GGNBP2: variants seen among roughly 807,000 people sequenced by gnomAD.
GGNBP2 encodes the protein gametogenetin binding protein 2.
A neutral mutation model predicts 85.9 loss-of-function variants in GGNBP2; 10 were observed. That is an observed-to-expected ratio of 0.12 (90% confidence interval 0.07 to 0.20). The LOEUF is 0.20. Ranked by LOEUF, GGNBP2 falls within the 10% of genes least tolerant of loss-of-function variation. The pLI, the probability that GGNBP2 is intolerant of heterozygous loss-of-function variation, is 1.00. For synonymous variants in GGNBP2, 287 were observed against 285.7 expected (o/e 1.00, Z -0.05); for missense variants, 595 against 857.8 (o/e 0.69, Z 3.83).
At position 36,581,512 on chromosome 17, in the gene GGNBP2, G is replaced by A; in HGVS notation, c.1189G>A (p.Asp397Asn). Reference protein sequence around the residue: ...CDIPTPLQTADEKEVSQEKET... With the variant: ...CDIPTPLQTANEKEVSQEKET... Reference sequence around the variant, plus strand: ...TATTCCTACTCCCTTACAAACAGCAGATGAAAAGGAAGTAAGCCAAGAGAA... The same window carrying A: ...TATTCCTACTCCCTTACAAACAGCAAATGAAAAGGAAGTAAGCCAAGAGAA... The change falls in exon 9 of 14, where the codon GAT becomes AAT. Residue 397 changes from aspartate (D) to asparagine (N), a missense_variant. Asp to Asn is a conservative substitution (Grantham distance 23). Coordinates refer to ENST00000613102, the MANE Select transcript of GGNBP2 (RefSeq NM_024835.5). 2 of 1,608,870 alleles carry A rather than the reference G, an allele frequency of 1.2e-6. No individual in the cohort carries two copies. The highest frequency in any genetic ancestry group is 1.7e-6 in the Non-Finnish European group (2 of 1,178,060).
chr17:36,586,993 T>C lies in GGNBP2; in HGVS notation c.1642-4T>C. ...ACCTGTGAAATCCTTTGCTGTGGTA[T>C]CAGATCCAGAAGCTTGGAAGCTGTA... is the stretch of plus-strand genomic sequence containing the variant. On this transcript the variant is annotated splice_polypyrimidine_tract_variant and splice_region_variant and intron_variant, in intron 12 of 13. Coordinates refer to ENST00000613102, the MANE Select transcript of GGNBP2 (RefSeq NM_024835.5). The C allele has an allele frequency of 1.2e-6, 2 of 1,611,714 alleles. No individual in the cohort carries two copies. The highest frequency in any genetic ancestry group is 1.7e-6 in the Non-Finnish European group (2 of 1,178,516).
chr17:36,575,110 G>T, intron 6 of GGNBP2: 1 of 773,854 alleles, frequency 1.3e-6, no homozygotes, highest in Non-Finnish European at 2.2e-6. Flanking sequence ...TCTCCTCCAG[G>T]GACTTGATCT....
At chr17:36,572,196 G>C (rs1647420738) in intron 6 of GGNBP2, among the ~76,000 whole-genome samples, 1 of 152,082 alleles carries the variant, frequency 6.6e-6, no homozygotes, top group African/African-American at 2.4e-5. Flanking sequence ...ACTACTATGA[G>C]AGTATAAAGC....
chr17:36,560,233 T>C (rs921756670), intron 4 of GGNBP2, among the ~76,000 whole-genome samples: 19 of 152,126 alleles, frequency 1.2e-4, no homozygotes, highest in Admixed American at 2.0e-4. Context: ...GCTGGGATTA[T>C]AGGCATGAGC....
At chr17:36,551,638 G>A (rs1451514347) in intron 2 of GGNBP2, among the ~76,000 whole-genome samples, 1 of 151,868 alleles carries the variant, frequency 6.6e-6, no homozygotes, top group Non-Finnish European at 1.5e-5. Context: ...GAGGTCAGGA[G>A]TTCAGGACCA....
At position 36,561,844 on chromosome 17, in the gene GGNBP2, C is replaced by T. The variant is rs560510764; in HGVS notation, c.527+973C>T. ...TTCACCGTGTTAGCCAGGATGGTCT[C>T]GATCTCCTGACCTCATGATCCGCCC... On this transcript the variant is annotated intron_variant, in intron 5 of 13. Transcript: ENST00000613102. 1.8e-3 allele frequency among the ~76,000 whole-genome samples: 276 copies of T among 152,170 alleles called. 2 individuals carry two copies. Among genetic ancestry groups the T allele is most frequent in the Non-Finnish European group, 2.9e-3 (195 of 67,998 alleles).
intron 8 of GGNBP2, among the ~76,000 whole-genome samples, chr17:36,580,333 G>A (rs56024048): frequency 4.6e-5 from 7 of 150,628 alleles, no homozygotes; most frequent in East Asian, 2.1e-4. Flanking sequence ...TCAGCCTCCC[G>A]AGTAGCTGGG....
chr17:36,587,551 A>G (rs1274710966), intron 13 of GGNBP2: 8 of 307,524 alleles, frequency 2.6e-5, no homozygotes, highest in Non-Finnish European at 5.0e-5. Context: ...AGTTGAAAAT[A>G]CATTCAACAT....
At chr17:36,553,382 C>CT (rs974544270) in intron 2 of GGNBP2, among the ~76,000 whole-genome samples, 1 of 152,104 alleles carries the variant, frequency 6.6e-6, no homozygotes, top group Non-Finnish European at 1.5e-5. Flanking sequence ...AAGAAAAACT[C>CT]TTAAATCTAT....
intron 9 of GGNBP2, among the ~76,000 whole-genome samples, chr17:36,582,689 T>G (rs1398458461): frequency 6.6e-6 from 1 of 152,240 alleles, no homozygotes; most frequent in Non-Finnish European, 1.5e-5. Flanking sequence ...CTATGTTTTA[T>G]TAAGACAATG....
At chr17:36,548,672 T>A (rs923607611) in intron 2 of GGNBP2, among the ~76,000 whole-genome samples, 1 of 124,858 alleles carries the variant, frequency 8.0e-6, no homozygotes, top group Admixed American at 8.9e-5. Flanking sequence ...GGCCCGGTGC[T>A]GTGGCTCATG....
At chr17:36,589,110 C>CT in intron 13 of GGNBP2, 98 bp from the exon 14 acceptor site, 1 of 807,118 alleles carries the variant, frequency 1.2e-6, no homozygotes, top group Non-Finnish European at 2.0e-6. Flanking sequence ...TGATGTGAAA[C>CT]TAAAAAGTTA....
chr17:36,552,250 C>T (rs1040245225), intron 2 of GGNBP2, among the ~76,000 whole-genome samples: 4 of 152,092 alleles, frequency 2.6e-5, no homozygotes, highest in African/African-American at 4.8e-5. Context: ...GTGTCTTAAA[C>T]CTTTTGATGA....
rs976928324 is a variant in GGNBP2, at chr17:36,546,206, C to T, written c.93+389C>T. On this transcript the variant is annotated intron_variant, in intron 2 of 13. Transcript: ENST00000613102. ...GAGGCTTAATTACCTGGTAATGTCG[C>T]AGCTGCACTGCTACCTGTGTATTTT... is the stretch of plus-strand genomic sequence containing the variant. 4.3e-4 allele frequency: 165 copies of T among 380,366 alleles called. 1 individual carries two copies. The highest frequency in any genetic ancestry group is 4.9e-4 in the Admixed American group (11 of 22,602). 23.6% of individuals were successfully genotyped at this position (380,366 alleles called of 1,614,324 possible).
chr17:36,566,290 A>AAT (rs2142734538), intron 5 of GGNBP2, among the ~76,000 whole-genome samples: 1 of 152,308 alleles, frequency 6.6e-6, no homozygotes, highest in East Asian at 1.9e-4. Flanking sequence ...AACAAAGCAA[A>AAT]ATGTGTGGCA....
rs140618107 is a variant in GGNBP2 at position 36,589,240 on chromosome 17, C to G, written c.1923C>G (p.Ile641Met). 1.2e-5 allele frequency: 19 copies of G among 1,613,006 alleles called. No individual in the cohort carries two copies. In the African/African-American group the frequency reaches 1.7e-4, roughly 15 times the overall value. The change falls in exon 14 of 14, where the codon ATC (isoleucine) becomes ATG (methionine). Residue 641 changes from isoleucine (I) to methionine (M), a missense_variant. Physicochemically the swap from Ile to Met is conservative, Grantham distance 10 (BLOSUM62 1). Around this residue, in one of 9 missense-constraint regions of GGNBP2, gnomAD observed 120 missense variants for 126.3 expected, o/e 0.95. Coordinates refer to ENST00000613102, the MANE Select transcript of GGNBP2 (RefSeq NM_024835.5). The stretch of plus-strand genomic sequence containing the variant: ...CTGAATGTACTTCAGATGAGGAAAT[C>G]TTTATCTCACAAGATGAAATACAGT... ...DESECTSDEE[I>M]FISQDEIQSF... is the part of the protein sequence containing the mutation.
chr17:36,581,488 AT>A lies in GGNBP2; in HGVS notation c.1167del (p.Pro390LeufsTer12). On this transcript the variant is annotated frameshift_variant, in exon 9 of 14. Coordinates refer to ENST00000613102, the MANE Select transcript of GGNBP2 (RefSeq NM_024835.5). LOFTEE classifies it high-confidence loss of function. ...ACGAAAAAATAAGTGTGTGTGTGAT[AT>A]TCCTACTCCCTTACAAACAGCAGAT... ...NRRKNKCVCD[I>X]PTPLQTADEK... is the part of the protein sequence containing the mutation. 6.2e-7 allele frequency: 1 copy of A among 1,613,144 alleles called. No homozygotes were observed. Among genetic ancestry groups the A allele is most frequent in the Non-Finnish European group, 8.5e-7 (1 of 1,179,636 alleles).
At chr17:36,572,051 G>GA (rs34975954) in intron 6 of GGNBP2, among the ~76,000 whole-genome samples, 2,757 of 146,500 alleles carry the variant, frequency 0.019, 75 homozygotes, top group East Asian at 0.094. Context: ...ACTCTGTCTC[G>GA]AAAAAAAAAA....
chr17:36,564,286 A>G (rs1181925293), intron 5 of GGNBP2, among the ~76,000 whole-genome samples: 1 of 152,178 alleles, frequency 6.6e-6, no homozygotes, highest in Non-Finnish European at 1.5e-5. Flanking sequence ...CTGAGAAGCA[A>G]GTAGCCCAGC....
Sources: gnomAD v4.1 joint callset for allele counts (sites outside exome capture counted in the v4.1 genomes callset) on GRCh38, gnomAD v4.1.1 for gene constraint, gnomAD v4.1.1 regional missense constraint, MANE v1.5 for transcripts, NCBI Gene and HGNC (gene_info 2026-07-23, HGNC 2026-07-21) for gene names.